Variants in CTNNA2 observed in about 807,000 individuals in gnomAD.
CTNNA2 encodes the protein catenin alpha 2, also known as catenin alpha-2.
In CTNNA2, 42 loss-of-function variants were observed where a neutral mutation model predicts 101.0. The ratio of observed to expected loss-of-function variants is 0.42; its 90% CI spans 0.32 to 0.54. The LOEUF is 0.54. CTNNA2 is among the 20% of genes least tolerant of loss of function. The pLI is 0.14. For missense variants in CTNNA2, 871 were observed against 1,223.1 expected, an observed-to-expected ratio of 0.71 and a Z score of 4.29; for synonymous variants, 450 against 456.4, an observed-to-expected ratio of 0.99 and a Z score of 0.18.
At chr2:80,221,002 C>G (rs1053736457) in intron 7 of CTNNA2, among the ~76,000 whole-genome samples, 2 of 152,184 alleles carry the variant, frequency 1.3e-5, no homozygotes, top group African/African-American at 4.8e-5. Context: ...CTGCCTCAGC[C>G]TCCCAAGTAG....
chr2:79,229,263 C>T (rs1674459664), intron 2 of CTNNA2, among the ~76,000 whole-genome samples: 3 of 152,216 alleles, frequency 2.0e-5, no homozygotes, highest in Admixed American at 1.3e-4. Flanking sequence ...GGCTGTGACC[C>T]CACCCAGATC....
intron 1 of CTNNA2, among the ~76,000 whole-genome samples, chr2:79,189,419 C>T (rs1029614548): frequency 2.0e-5 from 3 of 152,066 alleles, no homozygotes; most frequent in African/African-American, 7.2e-5. Flanking sequence ...TTATTTCCAT[C>T]CTTCTACTCT....
intron 3 of CTNNA2, among the ~76,000 whole-genome samples, chr2:79,834,668 C>G (rs1209398942): frequency 6.6e-6 from 1 of 151,874 alleles, no homozygotes; most frequent in Non-Finnish European, 1.5e-5. Flanking sequence ...CAGTGCATGA[C>G]TAATATTTTC....
chr2:79,409,565 C>T (rs1457811446), intron 4 of CTNNA2, among the ~76,000 whole-genome samples: 2 of 150,724 alleles, frequency 1.3e-5, no homozygotes, highest in African/African-American at 4.9e-5. Flanking sequence ...GAATCCTTTC[C>T]CCATTGCTTG....
At chr2:80,575,010 C>T (rs780288420) in intron 13 of CTNNA2, 3 of 152,208 alleles carry the variant, frequency 2.0e-5, no homozygotes, top group Non-Finnish European at 2.9e-5. Context: ...TCTGTTAAGA[C>T]ATCTAGCTAA....
chr2:79,345,474 G>A (rs1303784247), intron 3 of CTNNA2, among the ~76,000 whole-genome samples: 5 of 152,114 alleles, frequency 3.3e-5, no homozygotes, highest in African/African-American at 1.2e-4. Context: ...ATAACGCAAA[G>A]ACAATGACCT....
At chr2:79,636,521 T>G (rs1232129826) in intron 1 of CTNNA2, among the ~76,000 whole-genome samples, 6 of 151,982 alleles carry the variant, frequency 3.9e-5, no homozygotes, top group Non-Finnish European at 8.8e-5. Flanking sequence ...AGTATTCTAT[T>G]CTTGAAACAA....
intron 7 of CTNNA2, among the ~76,000 whole-genome samples, chr2:79,993,217 G>T (rs1692303249): frequency 6.6e-6 from 1 of 152,172 alleles, no homozygotes; most frequent in East Asian, 1.9e-4. Flanking sequence ...TTAATCCCCT[G>T]CTGACAAGAA....
rs374842634 is a variant in CTNNA2, at chr2:80,436,771, A to G, written c.1290+17170A>G. Among the ~76,000 whole-genome samples the G allele has an allele frequency of 6.0e-4, 92 of 152,272 alleles. 1 individual carries two copies. The East Asian group carries it at 0.01, about 17-fold the overall frequency. On this transcript the variant is annotated intron_variant, in intron 9 of 18. Transcript: ENST00000402739. ...ATGGAAGAGGCAAACAAGCTCTGTC[A>G]GTCCTCTTTTATAAGCGCACCAATC... is the stretch of plus-strand genomic sequence containing the variant.
chr2:80,130,643 G>A (rs1362861414), intron 7 of CTNNA2, among the ~76,000 whole-genome samples: 1 of 152,162 alleles, frequency 6.6e-6, no homozygotes, highest in Non-Finnish European at 1.5e-5. Flanking sequence ...ATCTGAATGC[G>A]GGAGGTGGCT....
At chr2:80,415,434 T>G (rs542133015) in intron 8 of CTNNA2, among the ~76,000 whole-genome samples, 1 of 152,246 alleles carries the variant, frequency 6.6e-6, no homozygotes, top group South Asian at 2.1e-4. Context: ...TTTTTTGTAG[T>G]GTAAAATTGT....
intron 1 of CTNNA2, among the ~76,000 whole-genome samples, chr2:79,530,551 A>G (rs910634699): frequency 2.4e-4 from 37 of 151,714 alleles, no homozygotes; most frequent in African/African-American, 9.0e-4. Context: ...CCAAGTTTCC[A>G]TTGTTTCCAG....
rs200337329 is a variant in CTNNA2, at chr2:80,230,262, T to TTC, written c.1057-162948_1057-162947insCT. Among the ~76,000 whole-genome samples the TTC allele has an allele frequency of 1.2e-3, 138 of 118,922 alleles. 1 individual carries two copies. Among genetic ancestry groups the TTC allele is most frequent in the African/African-American group, 6.4e-3 (124 of 19,314 alleles). 78.0% of individuals were successfully genotyped at this position (118,922 alleles called of 152,430 possible). ...TCTCTCTCTCTTTTTTTTTCTTTGTTTTTTTTTTTTTTTTTAAGAGATAGA... is the reference window on the plus strand; with the variant it reads ...TCTCTCTCTCTTTTTTTTTCTTTGTTTCTTTTTTTTTTTTTTTAAGAGATAGA... On this transcript the variant is annotated intron_variant, in intron 7 of 18. Transcript: ENST00000402739.
rs1162011497 is a variant in CTNNA2, at chr2:80,303,583, C to T, written c.1057-89628C>T. ...ACCCCGTGAACTGGCCGGCGCGCAG[C>T]TCCGAGAGGCTGTTGTAGCGCAGGG... On this transcript the variant is annotated intron_variant, in intron 7 of 18. Coordinates refer to ENST00000402739, the MANE Select transcript of CTNNA2 (RefSeq NM_001282597.3). This position sits in a 1 kb window ranked among gnomAD's most constrained non-coding sequence, Gnocchi z 7.7. 2 of 1,614,226 alleles carry T rather than the reference C, an allele frequency of 1.2e-6. No homozygotes were observed. The highest frequency in any genetic ancestry group is 1.7e-6 in the Non-Finnish European group (2 of 1,180,046).
chr2:79,212,491 T>C (rs1572980975), intron 2 of CTNNA2, among the ~76,000 whole-genome samples: 1 of 152,068 alleles, frequency 6.6e-6, no homozygotes, highest in East Asian at 1.9e-4. Flanking sequence ...CTGAGCTTGG[T>C]GAGGTGTGTT....
intron 7 of CTNNA2, among the ~76,000 whole-genome samples, chr2:80,364,896 A>G (rs1451359369): frequency 1.3e-5 from 2 of 152,122 alleles, no homozygotes; most frequent in African/African-American, 2.4e-5. Context: ...GCTGGGCTCT[A>G]GAGGGGAGAA....
Position 80,303,938 on chromosome 2 carries a change from AT to A in CTNNA2, c.1057-89272del. 8.3e-7 allele frequency: 1 copy of A among 1,207,238 alleles called. No individual in the cohort carries two copies. Among genetic ancestry groups the A allele is most frequent in the Admixed American group, 3.1e-5 (1 of 31,768 alleles). The allele number at this position is 1,207,238 out of a possible 1,614,324, so 74.8% of individuals were successfully genotyped here. ...GGGGAGGGGGAGAAAAGGGCAAAAA[AT>A]CAAATAAATACATAGAAATAAAGAA... On this transcript the variant is annotated intron_variant, in intron 7 of 18. Transcript: ENST00000402739. This position sits in a 1 kb window ranked among gnomAD's most constrained non-coding sequence, Gnocchi z 7.7.
At chr2:80,339,210 A>G (rs894623210) in intron 7 of CTNNA2, among the ~76,000 whole-genome samples, 3 of 152,104 alleles carry the variant, frequency 2.0e-5, no homozygotes, top group African/African-American at 7.2e-5. Context: ...TGTGTATCAC[A>G]CCCATCCATT....
intron 1 of CTNNA2, among the ~76,000 whole-genome samples, chr2:79,640,567 C>T (rs1573546201): frequency 6.6e-6 from 1 of 152,198 alleles, no homozygotes; most frequent in East Asian, 1.9e-4. Flanking sequence ...ACCAAGATGT[C>T]ATGTGTTTTC....
Sources: allele counts gnomAD v4.1 joint callset (sites outside exome capture counted in the v4.1 genomes callset), GRCh38; gene constraint gnomAD v4.1.1; non-coding constraint Gnocchi (gnomAD v3.1); transcripts MANE v1.5; gene names NCBI Gene and HGNC (gene_info 2026-07-23, HGNC 2026-07-21).